The following TAFA2 variants were observed in gnomAD, a reference collection of about 807,000 sequenced individuals.
TAFA2 encodes the protein chemokine-like protein TAFA-2.
In TAFA2, 7 loss-of-function variants were observed where a neutral mutation model predicts 18.8. The observed-to-expected ratio is 0.37, with a 90% CI of 0.21 to 0.70. The LOEUF (loss-of-function observed/expected upper bound fraction) is 0.70. Ranked by LOEUF, TAFA2 falls within the 30% of genes least tolerant of loss-of-function variation. The pLI, the probability that TAFA2 is intolerant of heterozygous loss-of-function variation, is 0.53. For synonymous variants in TAFA2, 60 were observed against 54.2 expected (o/e 1.11, Z -0.47); for missense variants, 122 against 158.1 (o/e 0.77, Z 1.23).
At chr12:62,212,540 G>A (rs1355926064) in intron 1 of TAFA2, among the ~76,000 whole-genome samples, 3 of 152,040 alleles carry the variant, frequency 2.0e-5, no homozygotes, top group South Asian at 4.1e-4. Flanking sequence ...TACCAAAGTC[G>A]TCTGACATCC....
intron 1 of TAFA2, among the ~76,000 whole-genome samples, chr12:61,915,537 G>A (rs1004710158): frequency 4.6e-5 from 7 of 152,140 alleles, no homozygotes; most frequent in East Asian, 3.9e-4. Flanking sequence ...CAGTCATAGC[G>A]GCCAAGAGGT....
At chr12:62,206,326 A>G (rs2062691411) in intron 1 of TAFA2, among the ~76,000 whole-genome samples, 1 of 152,332 alleles carries the variant, frequency 6.6e-6, no homozygotes, top group East Asian at 1.9e-4. Flanking sequence ...CACTCCCATG[A>G]TCAGTGTAAT....
intron 1 of TAFA2, among the ~76,000 whole-genome samples, chr12:62,056,037 C>T (rs964488678): frequency 6.6e-6 from 1 of 152,132 alleles, no homozygotes; most frequent in African/African-American, 2.4e-5. Context: ...TCAGTATATG[C>T]CCACAATATC....
chr12:61,939,659 T>C (rs1427581493), intron 1 of TAFA2, among the ~76,000 whole-genome samples: 1 of 152,236 alleles, frequency 6.6e-6, no homozygotes, highest in East Asian at 1.9e-4. Flanking sequence ...TGATAATTTA[T>C]GATACACATA....
At chr12:61,778,853 T>G (rs1870385491) in intron 2 of TAFA2, among the ~76,000 whole-genome samples, 1 of 151,916 alleles carries the variant, frequency 6.6e-6, no homozygotes, top group South Asian at 2.1e-4. Context: ...AGCCCCCATC[T>G]GCTTCTGGGA....
intron 4 of TAFA2, among the ~76,000 whole-genome samples, chr12:61,738,355 T>G (rs967610683): frequency 6.8e-6 from 1 of 147,316 alleles, no homozygotes; most frequent in Non-Finnish European, 1.5e-5. Flanking sequence ...CCCAGGCTAA[T>G]ACTCCTCCCT....
At chr12:62,085,208 G>T (rs1442958793) in intron 1 of TAFA2, among the ~76,000 whole-genome samples, 1 of 152,048 alleles carries the variant, frequency 6.6e-6, no homozygotes, top group Non-Finnish European at 1.5e-5. Context: ...AAAGTCACAG[G>T]GAAAAGACAT....
intron 1 of TAFA2, among the ~76,000 whole-genome samples, chr12:62,247,242 C>G (rs1222116745): frequency 6.6e-6 from 1 of 152,106 alleles, no homozygotes; most frequent in African/African-American, 2.4e-5. Flanking sequence ...ATACTTCTAT[C>G]TTATGTAAGT....
intron 1 of TAFA2, among the ~76,000 whole-genome samples, chr12:61,906,068 C>G (rs920198248): frequency 6.6e-6 from 1 of 152,134 alleles, no homozygotes; most frequent in Non-Finnish European, 1.5e-5. Context: ...AATGGATTGT[C>G]AAGAAAAAGT....
chr12:61,783,699 T>C (rs942229863), intron 2 of TAFA2, among the ~76,000 whole-genome samples: 1 of 151,544 alleles, frequency 6.6e-6, no homozygotes. Context: ...CAATGGGTAG[T>C]TAGTATTTAA....
intron 1 of TAFA2, among the ~76,000 whole-genome samples, chr12:62,097,698 T>C (rs1869011655): frequency 6.6e-6 from 1 of 152,312 alleles, no homozygotes; most frequent in South Asian, 2.1e-4. Flanking sequence ...GTAATGCACG[T>C]GGACTCCATC....
chr12:62,056,076 T>C (rs962955732), intron 1 of TAFA2, among the ~76,000 whole-genome samples: 2 of 152,196 alleles, frequency 1.3e-5, no homozygotes, highest in Admixed American at 6.5e-5. Flanking sequence ...AGAAAAATTG[T>C]TTTCTGCATT....
At chr12:61,931,678 T>C (rs1877560491) in intron 1 of TAFA2, among the ~76,000 whole-genome samples, 1 of 152,234 alleles carries the variant, frequency 6.6e-6, no homozygotes, top group South Asian at 2.1e-4. Context: ...AGTTTAACTC[T>C]AGTTCCATGC....
Position 61,924,367 on chromosome 12 carries a change from C to T in TAFA2, c.-1-56941G>A, listed in dbSNP as rs180918157. ...AGGTCGGGTTACCCACAAAGGGAAG[C>T]CCATCAGACTAACAGCAGATCTCTC... is the stretch of plus-strand genomic sequence containing the variant. On this transcript the variant is annotated intron_variant, in intron 1 of 4. Coordinates refer to ENST00000416284, the MANE Select transcript of TAFA2 (RefSeq NM_178539.5). Among the ~76,000 whole-genome samples, 544 of 152,326 alleles carry T rather than the reference C, an allele frequency of 3.6e-3. 1 individual carries two copies. The highest frequency in any genetic ancestry group is 6.9e-3 in the Non-Finnish European group (472 of 68,026).
chr12:62,097,444 G>A (rs893691670), intron 1 of TAFA2, among the ~76,000 whole-genome samples: 2 of 152,174 alleles, frequency 1.3e-5, no homozygotes, highest in African/African-American at 4.8e-5. Context: ...CACATGTGGG[G>A]AATGGAAATA....
intron 2 of TAFA2, among the ~76,000 whole-genome samples, chr12:61,852,469 T>A (rs1476957224): frequency 6.6e-6 from 1 of 151,732 alleles, no homozygotes; most frequent in South Asian, 2.1e-4. Flanking sequence ...CTCTGAGAGG[T>A]CAAACAGAAA....
intron 1 of TAFA2, among the ~76,000 whole-genome samples, chr12:62,239,884 T>C (rs2062854242): frequency 6.6e-6 from 1 of 152,174 alleles, no homozygotes; most frequent in Admixed American, 6.5e-5. Context: ...GTTAAATAAA[T>C]GATTGTTGTT....
intron 1 of TAFA2, among the ~76,000 whole-genome samples, chr12:61,877,517 C>T (rs1239069895): frequency 6.6e-6 from 1 of 152,064 alleles, no homozygotes; most frequent in African/African-American, 2.4e-5. Flanking sequence ...TTACCTGGGT[C>T]TATTTTCAAA....
At chr12:62,011,215 C>T (rs1592548033) in intron 1 of TAFA2, among the ~76,000 whole-genome samples, 1 of 152,058 alleles carries the variant, frequency 6.6e-6, no homozygotes, top group Non-Finnish European at 1.5e-5. Context: ...TCTGCCAGGC[C>T]GCCCTGTCTG....
Sources: gnomAD v4.1 joint callset for allele counts (sites outside exome capture counted in the v4.1 genomes callset) on GRCh38, gnomAD v4.1.1 for gene constraint, MANE v1.5 for transcripts, NCBI Gene and HGNC (gene_info 2026-07-23, HGNC 2026-07-21) for gene names.